REV1: variants seen among roughly 807,000 people sequenced by gnomAD.
REV1 encodes the protein translesion synthesis protein REV1.
In REV1, 42 loss-of-function variants were observed where a neutral mutation model predicts 137.4. The ratio of observed to expected loss-of-function variants is 0.31; its 90% confidence interval spans 0.24 to 0.40. The LOEUF is 0.40. REV1 is among the 10% of genes least tolerant of loss of function. The pLI is 1.00. For missense variants in REV1, 1,282 were observed against 1,490.1 expected (o/e 0.86, Z 2.30); for synonymous variants, 524 against 519.2 (o/e 1.01, Z -0.12).
intron 3 of REV1, among the ~76,000 whole-genome samples, chr2:99,457,599 C>T (rs1575164965): frequency 8.3e-6 from 1 of 120,960 alleles, no homozygotes; most frequent in African/African-American, 2.9e-5. Context: ...GTACAAGAAT[C>T]GCTTGAGCCA....
At position 99,403,097 on chromosome 2, in the gene REV1, T is replaced by C. The variant is rs990812001; in HGVS notation, c.3176A>G (p.Asn1059Ser). 1.7e-5 allele frequency: 27 copies of C among 1,603,974 alleles called. No individual in the cohort carries two copies. The highest frequency in any genetic ancestry group is 2.2e-5 in the Non-Finnish European group (26 of 1,174,900). The change falls in exon 20 of 23, where the codon AAT (asparagine) becomes AGT (serine). Residue 1059 changes from asparagine to serine, a missense_variant. Physicochemically the swap from Asn to Ser is conservative, Grantham distance 46. This residue lies in a region of REV1 where 170 missense variants were observed against 156.8 expected (regional missense o/e 1.08). Coordinates refer to ENST00000258428, the MANE Select transcript of REV1 (RefSeq NM_016316.4). ...QQSASASVPK[N>S]PLLHLKAAVK... ...TGCTGCCTTTAGATGAAGTAAAGGATTCTTTGGCACTAAGAGCAGATGGAT... is the reference window on the plus strand; with the variant it reads ...TGCTGCCTTTAGATGAAGTAAAGGACTCTTTGGCACTAAGAGCAGATGGAT...
chr2:99,455,146 G>T (rs898073812), intron 3 of REV1, among the ~76,000 whole-genome samples: 1 of 152,200 alleles, frequency 6.6e-6, no homozygotes, highest in Non-Finnish European at 1.5e-5. Flanking sequence ...CATATCCAAA[G>T]AACTTAATTA....
Position 99,401,000 on chromosome 2 carries a change from ATAAAACTT to A in REV1, c.*233_*240del, listed in dbSNP as rs1323203877. On this transcript the variant is annotated 3_prime_UTR_variant, in exon 23 of 23. Coordinates refer to ENST00000258428, the MANE Select transcript of REV1 (RefSeq NM_016316.4). The stretch of plus-strand genomic sequence containing the variant: ...TGTAAACACTTCACTGTAAAAATCC[ATAAAACTT>A]TATAAACAAACATTTTGTAAATAGA... 12 of 292,630 alleles carry A rather than the reference ATAAAACTT, an allele frequency of 4.1e-5. No individual in the cohort carries two copies. The East Asian group carries it at 7.3e-4, about 18-fold the overall frequency. 18.1% of individuals were successfully genotyped at this position (292,630 alleles called of 1,614,324 possible).
chr2:99,417,146 GTTTT>G (rs886584447), intron 12 of REV1, among the ~76,000 whole-genome samples: 4 of 151,938 alleles, frequency 2.6e-5, no homozygotes, highest in African/African-American at 9.7e-5. Context: ...ATTTGTTTTT[GTTTT>G]GTTTTTTTCA....
In REV1 at chr2:99,412,832, G is replaced by C. The variant is rs1201235053; in HGVS notation, c.2071C>G (p.Leu691Val). The C allele has an allele frequency of 6.2e-7, 1 of 1,614,074 alleles. No individual in the cohort carries two copies. Among genetic ancestry groups the C allele is most frequent in the South Asian group, 1.1e-5 (1 of 91,078 alleles). ...TCCAAGCCACGGCAGAACCTATAAAGCATCTGACCTGTTTTGGGACCAAAT... is the reference window on the plus strand; with the variant it reads ...TCCAAGCCACGGCAGAACCTATAAACCATCTGACCTGTTTTGGGACCAAAT... ...KEFGPKTGQM[L>V]YRFCRGLDDR... Residue 691 changes from leucine to valine, a missense_variant, in exon 13 of 23, where the codon CTT becomes GTT. Transcript: ENST00000258428.
At chr2:99,424,310 T>C (rs1679061415) in intron 9 of REV1, 30 bp from the exon 10 acceptor site, 14 of 1,598,622 alleles carry the variant, frequency 8.8e-6, no homozygotes, top group Non-Finnish European at 1.1e-5. Flanking sequence ...CAATGGAGGT[T>C]ATTCTAGGAA....
intron 1 of REV1, among the ~76,000 whole-genome samples, chr2:99,484,318 C>A (rs192589003): frequency 6.6e-6 from 1 of 152,082 alleles, no homozygotes; most frequent in East Asian, 1.9e-4. Flanking sequence ...TACAACAAAC[C>A]CCCATGACAC....
At position 99,417,813 on chromosome 2, in the gene REV1, A is replaced by G. The variant is rs556288079; in HGVS notation, c.1951+1015T>C. On this transcript the variant is annotated intron_variant, in intron 12 of 22. Transcript: ENST00000258428. ...ACTCAAATTTTACATGCAACTTTAA[A>G]TATACCAGTTCCTTCTTATATAAAA... Among the ~76,000 whole-genome samples, 4 of 152,362 alleles carry G rather than the reference A, an allele frequency of 2.6e-5. No individual in the cohort carries two copies. The East Asian group carries it at 7.7e-4, about 29-fold the overall frequency.
intron 3 of REV1, 43 bp downstream of exon 3, chr2:99,462,453 T>C: frequency 1.3e-6 from 2 of 1,553,886 alleles, no homozygotes; most frequent in African/African-American, 1.4e-5. Flanking sequence ...TCAATCCTAA[T>C]AAAAATACAT....
chr2:99,462,703 TA>T (rs1684363708), intron 2 of REV1, 81 bp from the exon 3 acceptor site: 6 of 1,343,538 alleles, frequency 4.5e-6, no homozygotes, highest in Non-Finnish European at 6.2e-6. Flanking sequence ...TTTTAAAAAC[TA>T]AATAAATAAA....
At chr2:99,460,276 C>T (rs1684033783) in intron 3 of REV1, among the ~76,000 whole-genome samples, 1 of 152,122 alleles carries the variant, frequency 6.6e-6, no homozygotes, top group Admixed American at 6.5e-5. Context: ...AGGGTTTCAC[C>T]ATGTTGGCCA....
chr2:99,436,337 C>G lies in REV1; in HGVS notation c.1214-396G>C, dbSNP rs550156631. Among the ~76,000 whole-genome samples the G allele has an allele frequency of 4.6e-5, 7 of 152,216 alleles. No homozygotes were observed. In the East Asian group the frequency reaches 1.4e-3, roughly 29 times the overall value. On this transcript the variant is annotated intron_variant, in intron 6 of 22. Transcript: ENST00000258428. ...AGTGCTTGGTAGGTGTCAGGCACTG[C>G]TGTTAAGAGGTTTATGTGTATGTAT...
In REV1 at chr2:99,406,299, A is replaced by G. The variant is rs577924277; in HGVS notation, c.2614+26T>C. The G allele has an allele frequency of 2.5e-6, 4 of 1,581,624 alleles. No individual in the cohort carries two copies. In the South Asian group the frequency reaches 3.5e-5, roughly 14 times the overall value. On this transcript the variant is annotated intron_variant, in intron 16 of 22. Transcript: ENST00000258428. ...TCCAAGGACATAAGCAGCACCTAAA[A>G]AAGAACCACATTGATGACCACCAAC...
In REV1 at chr2:99,489,986, C is replaced by G. The variant is rs1170206841; in HGVS notation, c.-180G>C. On this transcript the variant is annotated 5_prime_UTR_variant, in exon 1 of 23. Transcript: ENST00000258428. ...GGTCCACGCTCCCCCACGCTCGCGG[C>G]AACCAACCCCGCGCGCGCTCCGCGG... 6.7e-6 allele frequency: 1 copy of G among 149,990 alleles called. No homozygotes were observed. The highest frequency in any genetic ancestry group is 2.4e-5 in the African/African-American group (1 of 41,210). The allele number at this position is 149,990 out of a possible 1,614,324, so 9.3% of individuals were successfully genotyped here. A position where few individuals can be genotyped will look rare whatever the true frequency, so the allele number is the denominator to read the frequency against.
At chr2:99,435,768 A>G (rs1680667695) in intron 7 of REV1, 66 bp downstream of exon 7, 1 of 804,806 alleles carries the variant, frequency 1.2e-6, no homozygotes, top group Non-Finnish European at 1.9e-6. Flanking sequence ...AAGATTTTGT[A>G]ATCTCTTTGA....
chr2:99,410,961 T>C (rs1677053180), intron 13 of REV1, 94 bp from the exon 14 acceptor site: 3 of 1,197,364 alleles, frequency 2.5e-6, no homozygotes, highest in African/African-American at 3.1e-5. Context: ...ATTAAACATG[T>C]TGGTTACTCA....
Position 99,487,945 on chromosome 2 carries a change from G to T in REV1, c.-11+1872C>A, listed in dbSNP as rs1220184388. Reference sequence around the variant, plus strand: ...ACCATGGTGTCACTAGATGTCTCACGTTTAAGAACTGATTTAATCCTCAGC... The same window carrying T: ...ACCATGGTGTCACTAGATGTCTCACTTTTAAGAACTGATTTAATCCTCAGC... On this transcript the variant is annotated intron_variant, in intron 1 of 22. Transcript: ENST00000258428. Among the ~76,000 whole-genome samples, 6 of 118,436 alleles carry T rather than the reference G, an allele frequency of 5.1e-5. 3 individuals carry two copies. Among genetic ancestry groups the T allele is most frequent in the Non-Finnish European group, 7.3e-5 (4 of 54,492 alleles). 77.7% of individuals were successfully genotyped at this position (118,436 alleles called of 152,430 possible).
intron 9 of REV1, chr2:99,424,950 A>G (rs1679144293): frequency 3.3e-6 from 4 of 1,220,628 alleles, no homozygotes; most frequent in Non-Finnish European, 4.3e-6. Context: ...GCCCCACATT[A>G]CCTTTGACAT....
chr2:99,404,558 A>T lies in REV1; in HGVS notation c.2931T>A (p.Cys977Ter). 6.2e-7 allele frequency: 1 copy of T among 1,614,144 alleles called. No individual in the cohort carries two copies. Among genetic ancestry groups the T allele is most frequent in the Non-Finnish European group, 8.5e-7 (1 of 1,180,008 alleles). Reference sequence around the variant, plus strand: ...CTGGTTGTGGCAAAATTCCTGTATTACAGCCATTTACTGGTTCTTTCTTTT... The same window carrying T: ...CTGGTTGTGGCAAAATTCCTGTATTTCAGCCATTTACTGGTTCTTTCTTTT... ...GDKKKEPVNG[C>*]NTGILPQPVG... Residue 977 changes from cysteine (C) to a stop codon, truncating the protein, a stop_gained, in exon 18 of 23, where the codon TGT (cysteine) becomes TGA (stop). Coordinates refer to ENST00000258428, the MANE Select transcript of REV1 (RefSeq NM_016316.4). LOFTEE classifies it high-confidence loss of function.
Sources: gnomAD v4.1 joint callset for allele counts (sites outside exome capture counted in the v4.1 genomes callset) on GRCh38, gnomAD v4.1.1 for gene constraint, gnomAD v4.1.1 regional missense constraint, MANE v1.5 for transcripts, NCBI Gene and HGNC (gene_info 2026-07-23, HGNC 2026-07-21) for gene names.